EXOC6B: variants seen among roughly 807,000 people sequenced by gnomAD.
EXOC6B encodes exocyst complex component 6B, also known as SEC15 homolog B.
A neutral mutation model predicts 113.5 loss-of-function variants in EXOC6B; 54 were observed. The observed-to-expected ratio is 0.48, with a 90% confidence interval of 0.38 to 0.60. EXOC6B has a LOEUF of 0.60. Ranked by LOEUF, EXOC6B falls within the 20% of genes least tolerant of loss-of-function variation. The pLI is 0.00. For missense variants in EXOC6B, 797 were observed against 977.5 expected (o/e 0.82, Z 2.46); for synonymous variants, 357 against 339.0 (o/e 1.05, Z -0.58).
chr2:72,333,522 C>T (rs1248753872), intron 20 of EXOC6B, among the ~76,000 whole-genome samples: 2 of 152,138 alleles, frequency 1.3e-5, no homozygotes, highest in Non-Finnish European at 2.9e-5. Context: ...ACAGATATCA[C>T]TCCACAAACC....
rs186771108 is a variant in EXOC6B, at chr2:72,568,520, A to G, written c.846+6972T>C. The stretch of plus-strand genomic sequence containing the variant: ...TCCAAATGGCTCAGTTTTGGGAGAG[A>G]AAAGAAACATACACATACACACACA... On this transcript the variant is annotated intron_variant, in intron 7 of 21. Coordinates refer to ENST00000272427, the MANE Select transcript of EXOC6B (RefSeq NM_015189.3). Among the ~76,000 whole-genome samples, 109 of 152,066 alleles carry G rather than the reference A, an allele frequency of 7.2e-4. 1 individual carries two copies. Among genetic ancestry groups the G allele is most frequent in the Non-Finnish European group, 7.2e-4 (49 of 67,902 alleles).
rs190167295 is a variant in EXOC6B at position 72,589,585 on chromosome 2, C to A, written c.670-13917G>T. On this transcript the variant is annotated intron_variant, in intron 6 of 21. Transcript: ENST00000272427. ...TAATGTTTTAAATTTTGGCAATGAA[C>A]GGGATATGCAGGTCTATCTGGTAAT... Among the ~76,000 whole-genome samples, 611 of 151,548 alleles carry A rather than the reference C, an allele frequency of 4.0e-3. 3 individuals are homozygous for A. Among genetic ancestry groups the A allele is most frequent in the Non-Finnish European group, 6.6e-3 (449 of 67,760 alleles).
intron 6 of EXOC6B, among the ~76,000 whole-genome samples, chr2:72,598,353 A>T (rs1221519938): frequency 6.6e-6 from 1 of 152,026 alleles, no homozygotes; most frequent in African/African-American, 2.4e-5. Context: ...ACTTTTTAAA[A>T]ATGTAAACTA....
At chr2:72,446,393 AT>A in intron 18 of EXOC6B, among the ~76,000 whole-genome samples, 1 of 151,894 alleles carries the variant, frequency 6.6e-6, no homozygotes, top group Non-Finnish European at 1.5e-5. Context: ...AAAAAAAAAA[AT>A]GAAAAGAAAG....
chr2:72,347,309 G>A (rs1689395953), intron 19 of EXOC6B, among the ~76,000 whole-genome samples: 1 of 152,046 alleles, frequency 6.6e-6, no homozygotes, highest in African/African-American at 2.4e-5. Flanking sequence ...GAGAAAGACT[G>A]GTGTTCCAAA....
intron 20 of EXOC6B, among the ~76,000 whole-genome samples, chr2:72,206,344 C>A (rs1386573140): frequency 6.6e-6 from 1 of 152,178 alleles, no homozygotes; most frequent in Non-Finnish European, 1.5e-5. Flanking sequence ...GCTAGGCAGA[C>A]TGAATAAAGT....
intron 19 of EXOC6B, among the ~76,000 whole-genome samples, chr2:72,349,820 G>C (rs1475723466): frequency 6.6e-6 from 1 of 152,182 alleles, no homozygotes; most frequent in Non-Finnish European, 1.5e-5. Context: ...GGGAGCCTTA[G>C]TCTGTGGTTG....
At chr2:72,610,424 G>A (rs566510944) in intron 6 of EXOC6B, among the ~76,000 whole-genome samples, 18 of 152,188 alleles carry the variant, frequency 1.2e-4, no homozygotes, top group Non-Finnish European at 1.8e-4. Context: ...CTCCATTAAC[G>A]CAGTGTTTAG....
chr2:72,217,596 A>G (rs1680619102), intron 20 of EXOC6B, among the ~76,000 whole-genome samples: 1 of 152,230 alleles, frequency 6.6e-6, no homozygotes, highest in African/African-American at 2.4e-5. Context: ...GTCTTACAAA[A>G]CAGGGGCCCT....
At chr2:72,517,174 A>C (rs1037700886) in intron 8 of EXOC6B, among the ~76,000 whole-genome samples, 1 of 152,246 alleles carries the variant, frequency 6.6e-6, no homozygotes, top group Non-Finnish European at 1.5e-5. Flanking sequence ...GTAGTGCAAA[A>C]GCAGCCATAA....
intron 18 of EXOC6B, among the ~76,000 whole-genome samples, chr2:72,396,398 T>C (rs1184138507): frequency 6.6e-6 from 1 of 152,088 alleles, no homozygotes; most frequent in Non-Finnish European, 1.5e-5. Flanking sequence ...CAAATGGCTA[T>C]TAAAATAAAT....
intron 18 of EXOC6B, among the ~76,000 whole-genome samples, chr2:72,434,931 T>C (rs1182354008): frequency 6.6e-6 from 1 of 152,154 alleles, no homozygotes; most frequent in East Asian, 1.9e-4. Flanking sequence ...TCTTAGTTAT[T>C]TGTTGTCTTC....
chr2:72,603,934 C>G (rs1210349600), intron 6 of EXOC6B, among the ~76,000 whole-genome samples: 1 of 152,110 alleles, frequency 6.6e-6, no homozygotes, highest in Non-Finnish European at 1.5e-5. Context: ...CCACCCACTA[C>G]ACTTTTCCCT....
At chr2:72,641,037 C>T (rs1673185301) in intron 6 of EXOC6B, among the ~76,000 whole-genome samples, 1 of 152,186 alleles carries the variant, frequency 6.6e-6, no homozygotes, top group Admixed American at 6.5e-5. Flanking sequence ...ACTTTAACAT[C>T]CCGCTGACAA....
intron 19 of EXOC6B, among the ~76,000 whole-genome samples, chr2:72,364,804 T>C (rs531252340): frequency 6.6e-6 from 1 of 152,300 alleles, no homozygotes; most frequent in African/African-American, 2.4e-5. Context: ...TCCAATCTTG[T>C]AGTTGATCAT....
chr2:72,637,388 A>C (rs1672919673), intron 6 of EXOC6B, among the ~76,000 whole-genome samples: 1 of 152,190 alleles, frequency 6.6e-6, no homozygotes, highest in South Asian at 2.1e-4. Flanking sequence ...TCCACCAATG[A>C]AGGTCAAATA....
intron 20 of EXOC6B, among the ~76,000 whole-genome samples, chr2:72,259,403 T>C (rs947799470): frequency 7.9e-5 from 12 of 152,254 alleles, no homozygotes; most frequent in Admixed American, 6.5e-4. Flanking sequence ...ATTGTATGTA[T>C]ATACTACAAT....
In EXOC6B at chr2:72,480,742, C is replaced by T; in HGVS notation, c.1674G>A (p.Gln558=). The T allele has an allele frequency of 6.2e-7, 1 of 1,600,216 alleles. No homozygotes were observed. The highest frequency in any genetic ancestry group is 1.3e-5 in the African/African-American group (1 of 74,868). The change falls in exon 17 of 22, where the codon CAG becomes CAA. Residue 558 remains glutamine (Q), a synonymous_variant. Transcript: ENST00000272427. ...CCAAATGTGTTGTATTGATAATAATCTGAACAAGCTAGAAAACAACAAACA... is the reference window on the plus strand; with the variant it reads ...CCAAATGTGTTGTATTGATAATAATTTGAACAAGCTAGAAAACAACAAACA... ...RKNIGLTELV[Q]IIINTTHLEK...
intron 8 of EXOC6B, among the ~76,000 whole-genome samples, chr2:72,532,235 C>T (rs1702044681): frequency 6.6e-6 from 1 of 151,972 alleles, no homozygotes; most frequent in Admixed American, 6.5e-5. Flanking sequence ...AATGAATGGC[C>T]TCTAAACACT....
Sources: allele counts gnomAD v4.1 joint callset (sites outside exome capture counted in the v4.1 genomes callset), GRCh38; gene constraint gnomAD v4.1.1; transcripts MANE v1.5; gene names NCBI Gene and HGNC (gene_info 2026-07-23, HGNC 2026-07-21).